LTBP1: variants seen among roughly 807,000 people sequenced by gnomAD.
LTBP1 encodes the protein latent-transforming growth factor beta-binding protein 1.
In LTBP1, 129 loss-of-function variants were observed where a neutral mutation model predicts 207.6. That is an observed-to-expected ratio of 0.62 (90% CI 0.54 to 0.72). The LOEUF (loss-of-function observed/expected upper bound fraction) is 0.72. Among genes scored for constraint, LTBP1 ranks in the 30% least tolerant of loss-of-function variants. The pLI is 0.00. For synonymous variants in LTBP1, 963 were observed against 833.7 expected (o/e 1.16, Z -2.67); for missense variants, 2,281 against 2,217.2 (o/e 1.03, Z -0.58).
At chr2:33,202,874 A>G (rs1200449649) in intron 7 of LTBP1, among the ~76,000 whole-genome samples, 1 of 152,218 alleles carries the variant, frequency 6.6e-6, no homozygotes, top group African/African-American at 2.4e-5. Flanking sequence ...GGCTGAGGCT[A>G]CTAGACATCT....
intron 13 of LTBP1, among the ~76,000 whole-genome samples, chr2:33,261,216 TA>T (rs1184679550): frequency 6.8e-6 from 1 of 146,476 alleles, no homozygotes. Flanking sequence ...TGGTGTAGAT[TA>T]GGAAGTCTGC....
intron 2 of LTBP1, among the ~76,000 whole-genome samples, chr2:33,009,219 T>G (rs1687339538): frequency 6.6e-6 from 1 of 152,094 alleles, no homozygotes; most frequent in African/African-American, 2.4e-5. Context: ...AGATTCAGGA[T>G]GTCTTTAAAG....
At chr2:32,951,062 G>A (rs955794877) in intron 2 of LTBP1, among the ~76,000 whole-genome samples, 1 of 152,216 alleles carries the variant, frequency 6.6e-6, no homozygotes, top group African/African-American at 2.4e-5. Flanking sequence ...AAAAATCAGT[G>A]TTGAAGTTAC....
chr2:32,993,796 G>A (rs912791968), intron 2 of LTBP1, among the ~76,000 whole-genome samples: 1 of 152,210 alleles, frequency 6.6e-6, no homozygotes, highest in Admixed American at 6.5e-5. Context: ...AGGAAACTGA[G>A]GCCTAGGCCA....
intron 9 of LTBP1, among the ~76,000 whole-genome samples, chr2:33,234,761 C>G (rs1198376587): frequency 2.0e-5 from 3 of 152,032 alleles, no homozygotes; most frequent in Non-Finnish European, 2.9e-5. Context: ...CCCGTATAAC[C>G]AAGACAATCC....
chr2:33,238,551 A>T (rs180961186), intron 9 of LTBP1, among the ~76,000 whole-genome samples: 115 of 152,328 alleles, frequency 7.5e-4, no homozygotes, highest in African/African-American at 2.7e-3. Flanking sequence ...TGGGGATAAT[A>T]TAGTTCAGCC....
intron 4 of LTBP1, among the ~76,000 whole-genome samples, chr2:33,111,624 C>G (rs933090048): frequency 3.9e-5 from 6 of 152,146 alleles, no homozygotes; most frequent in Non-Finnish European, 5.9e-5. Context: ...CTTTGGTTCC[C>G]TACACCCACT....
chr2:33,388,879 C>G (rs953002625), intron 31 of LTBP1, among the ~76,000 whole-genome samples: 1 of 152,200 alleles, frequency 6.6e-6, no homozygotes, highest in African/African-American at 2.4e-5. Context: ...AGGCCTGAAG[C>G]ACTCTCAGAT....
At chr2:33,233,106 T>C (rs2091878545) in intron 9 of LTBP1, among the ~76,000 whole-genome samples, 1 of 152,292 alleles carries the variant, frequency 6.6e-6, no homozygotes, top group Non-Finnish European at 1.5e-5. Context: ...ATTTGAAAAG[T>C]GTTCACCTAT....
At chr2:33,140,371 T>G (rs571879530) in intron 5 of LTBP1, among the ~76,000 whole-genome samples, 4 of 152,248 alleles carry the variant, frequency 2.6e-5, no homozygotes, top group African/African-American at 4.8e-5. Context: ...TTGGACTCCT[T>G]AATGTTTGTC....
intron 18 of LTBP1, among the ~76,000 whole-genome samples, chr2:33,277,464 C>T (rs1005323635): frequency 6.6e-6 from 1 of 152,172 alleles, no homozygotes; most frequent in East Asian, 1.9e-4. Flanking sequence ...CCCTTTGAAA[C>T]GTAGTACATC....
chr2:33,083,887 A>T (rs2078597325), intron 3 of LTBP1, among the ~76,000 whole-genome samples: 1 of 152,210 alleles, frequency 6.6e-6, no homozygotes, highest in Non-Finnish European at 1.5e-5. Flanking sequence ...TGTCAAATTG[A>T]GGAAGCCAGC....
At chr2:33,071,469 A>C (rs1397279884) in intron 3 of LTBP1, among the ~76,000 whole-genome samples, 2 of 152,222 alleles carry the variant, frequency 1.3e-5, no homozygotes, top group African/African-American at 4.8e-5. Context: ...ACTACCAGGC[A>C]GTGGGATCAT....
intron 5 of LTBP1, among the ~76,000 whole-genome samples, chr2:33,151,823 TTGTGTGTGTGTG>T (rs10526529): frequency 0.1 from 13,204 of 129,260 alleles, 1,017 homozygotes; most frequent in African/African-American, 0.23. Flanking sequence ...GTATTCCATT[TTGTGTGTGTGTG>T]TGTGTGTGTG....
chr2:33,238,970 C>T (rs1215766915), intron 9 of LTBP1, among the ~76,000 whole-genome samples: 1 of 152,116 alleles, frequency 6.6e-6, no homozygotes, highest in Non-Finnish European at 1.5e-5. Context: ...TACCTGATTA[C>T]TTTATATTCT....
Position 32,947,509 on chromosome 2 carries a change from A to G in LTBP1, c.185A>G (p.Tyr62Cys), listed in dbSNP as rs906416981. 112 of 1,422,428 alleles carry G rather than the reference A, an allele frequency of 7.9e-5. No individual in the cohort carries two copies. The highest frequency in any genetic ancestry group is 1.4e-4 in the Admixed American group (5 of 36,022). 88.1% of individuals were successfully genotyped at this position (1,422,428 alleles called of 1,614,324 possible). ...RTFNVALNAR[Y>C]SRSSAAAGAP... is the part of the protein sequence containing the mutation. ...TTCAACGTCGCGCTCAACGCCAGGT[A>G]CAGCCGCAGCTCGGCGGCTGCCGGC... Residue 62 changes from tyrosine to cysteine, a missense_variant, in exon 1 of 34, where the codon TAC becomes TGC. Transcript: ENST00000404816.
At chr2:33,042,984 A>G (rs1472905899) in intron 3 of LTBP1, among the ~76,000 whole-genome samples, 1 of 152,180 alleles carries the variant, frequency 6.6e-6, no homozygotes, top group African/African-American at 2.4e-5. Context: ...GCATCTGACT[A>G]CCTGCACCCC....
intron 6 of LTBP1, among the ~76,000 whole-genome samples, chr2:33,188,283 T>A (rs1037152340): frequency 2.0e-5 from 3 of 151,870 alleles, no homozygotes; most frequent in African/African-American, 7.3e-5. Context: ...TAGCCAGGCA[T>A]GGTGGTGGGC....
intron 4 of LTBP1, among the ~76,000 whole-genome samples, chr2:33,129,548 A>G (rs2150513993): frequency 6.6e-6 from 1 of 152,352 alleles, no homozygotes; most frequent in Middle Eastern, 3.4e-3. Flanking sequence ...TTTAGTAGCA[A>G]GTAATTTTCT....
Sources: allele counts gnomAD v4.1 joint callset (sites outside exome capture counted in the v4.1 genomes callset), GRCh38; gene constraint gnomAD v4.1.1; transcripts MANE v1.5; gene names NCBI Gene and HGNC (gene_info 2026-07-23, HGNC 2026-07-21).